The following TEK variants were observed in gnomAD, a reference collection of about 807,000 sequenced individuals.
The protein encoded by TEK is TEK receptor tyrosine kinase, also known as angiopoietin-1 receptor.
In TEK, 43 loss-of-function variants were observed where a neutral mutation model predicts 131.8. The ratio of observed to expected loss-of-function variants is 0.33; its 90% CI spans 0.26 to 0.42. The LOEUF (loss-of-function observed/expected upper bound fraction) is 0.42. TEK is among the 10% of genes least tolerant of loss of function. The pLI is 1.00. For missense variants in TEK, 1,162 were observed against 1,384.4 expected (o/e 0.84, Z 2.55); for synonymous variants, 580 against 491.6 (o/e 1.18, Z -2.38).
chr9:27,225,140 C>T (rs543929885), intron 21 of TEK, among the ~76,000 whole-genome samples: 42 of 152,328 alleles, frequency 2.8e-4, no homozygotes, highest in Admixed American at 2.5e-3. Flanking sequence ...ATTCCATGCT[C>T]ATGGACAGGA....
At chr9:27,111,170 C>T (rs1368153068) in intron 1 of TEK, among the ~76,000 whole-genome samples, 2 of 152,134 alleles carry the variant, frequency 1.3e-5, no homozygotes, top group African/African-American at 4.8e-5. Context: ...ATACTTGTTC[C>T]ATGTCTAGAC....
rs1825686862 is a variant in TEK, at chr9:27,212,874, A to G, written c.2854A>G (p.Met952Val). 1 of 1,613,984 alleles carries G rather than the reference A, an allele frequency of 6.2e-7. No homozygotes were observed. The highest frequency in any genetic ancestry group is 8.5e-7 in the Non-Finnish European group (1 of 1,179,952). The change falls in exon 17 of 23, where the codon ATG (methionine) becomes GTG (valine). Residue 952 changes from methionine to valine, a missense_variant. Around this residue, in one of 6 missense-constraint regions of TEK, gnomAD observed 107 missense variants for 173.9 expected, o/e 0.62. Transcript: ENST00000380036. ...CTTCGCTGCCGACGTGGCCCGGGGC[A>G]TGGACTACTTGAGCCAAAAACAGGT... ...LHFAADVARG[M>V]DYLSQKQFIH...
intron 1 of TEK, among the ~76,000 whole-genome samples, chr9:27,153,636 A>C (rs1216915520): frequency 5.9e-5 from 9 of 152,206 alleles, no homozygotes; most frequent in Admixed American, 5.9e-4. Flanking sequence ...TGATGAAACA[A>C]CTCACTATCC....
Position 27,172,821 on chromosome 9 carries a change from C to G in TEK, c.760+74C>G, listed in dbSNP as rs41314580. The G allele has an allele frequency of 9.6e-3, 15,257 of 1,583,860 alleles. 103 individuals are homozygous for G. The highest frequency in any genetic ancestry group is 0.026 in the African/African-American group (1,899 of 74,368). On this transcript the variant is annotated intron_variant, in intron 5 of 22. Coordinates refer to ENST00000380036, the MANE Select transcript of TEK (RefSeq NM_000459.5). ...TTGCTGGATCTAGAATTTTAGATCT[C>G]GACACAGATGGGAATGGACGCTAAA...
intron 16 of TEK, among the ~76,000 whole-genome samples, chr9:27,212,272 C>A (rs1035138018): frequency 6.6e-6 from 1 of 152,112 alleles, no homozygotes; most frequent in African/African-American, 2.4e-5. Flanking sequence ...TAATAACAAC[C>A]TCAGGAATAG....
chr9:27,215,375 G>A (rs1825783558), intron 18 of TEK, among the ~76,000 whole-genome samples: 1 of 152,228 alleles, frequency 6.6e-6, no homozygotes, highest in South Asian at 2.1e-4. Flanking sequence ...CAAGAAAGGT[G>A]CAGTGTGGCA....
chr9:27,146,954 C>G (rs1822946605), intron 1 of TEK, among the ~76,000 whole-genome samples: 1 of 152,138 alleles, frequency 6.6e-6, no homozygotes, highest in African/African-American at 2.4e-5. Context: ...TGGTCTTGAT[C>G]TCCTGACCTT....
chr9:27,181,581 C>G (rs938129158), intron 7 of TEK, among the ~76,000 whole-genome samples: 1 of 152,078 alleles, frequency 6.6e-6, no homozygotes, highest in Non-Finnish European at 1.5e-5. Flanking sequence ...GTACTTCATT[C>G]CTTTTTTATT....
chr9:27,188,028 G>A (rs75901865), intron 9 of TEK, among the ~76,000 whole-genome samples: 11,117 of 152,214 alleles, frequency 0.073, 493 homozygotes, highest in African/African-American at 0.13. Flanking sequence ...GCAGAGGAAT[G>A]TTAAACAGTA....
chr9:27,216,807 T>C (rs1825835170), intron 18 of TEK, among the ~76,000 whole-genome samples: 1 of 152,130 alleles, frequency 6.6e-6, no homozygotes, highest in South Asian at 2.1e-4. Context: ...CAAGTGCTCC[T>C]GGTTTTGTTC....
chr9:27,133,398 C>T (rs748942981), intron 1 of TEK, among the ~76,000 whole-genome samples: 4 of 152,154 alleles, frequency 2.6e-5, no homozygotes, highest in Non-Finnish European at 5.9e-5. Context: ...CTTCACTTTA[C>T]CATTTTCCTT....
chr9:27,218,933 G>T, intron 20 of TEK, 116 bp downstream of exon 20: 1 of 1,042,860 alleles, frequency 9.6e-7, no homozygotes, highest in East Asian at 2.4e-5. Context: ...TCTACCAGAT[G>T]TGACTTGGAA....
intron 1 of TEK, among the ~76,000 whole-genome samples, chr9:27,149,529 A>G (rs532990246): frequency 1.5e-3 from 224 of 152,312 alleles, no homozygotes; most frequent in Non-Finnish European, 2.8e-3. Flanking sequence ...TTCTTTTGTC[A>G]ATCTCCTCTT....
intron 1 of TEK, among the ~76,000 whole-genome samples, chr9:27,126,017 T>C (rs1401510834): frequency 6.6e-6 from 1 of 152,206 alleles, no homozygotes; most frequent in African/African-American, 2.4e-5. Flanking sequence ...CAGCTAGACA[T>C]GCAGTAGATT....
At chr9:27,204,713 T>C (rs1825341985) in intron 13 of TEK, among the ~76,000 whole-genome samples, 198 bp from the exon 14 acceptor site, 1 of 151,920 alleles carries the variant, frequency 6.6e-6, no homozygotes, top group Non-Finnish European at 1.5e-5. Context: ...TTTTTAATCT[T>C]ATTACAACCC....
chr9:27,118,076 G>T (rs1174140888), intron 1 of TEK, among the ~76,000 whole-genome samples: 3 of 152,124 alleles, frequency 2.0e-5, no homozygotes, highest in Non-Finnish European at 2.9e-5. Context: ...AGCCAAAGGG[G>T]ACTCCACCCT....
chr9:27,139,430 C>T (rs945732286), intron 1 of TEK, among the ~76,000 whole-genome samples: 2 of 142,242 alleles, frequency 1.4e-5, no homozygotes, highest in Non-Finnish European at 3.0e-5. Context: ...TGGGTTCAAG[C>T]GATCCTGCCT....
intron 21 of TEK, 96 bp downstream of exon 21, chr9:27,220,241 A>G (rs1826008783): frequency 1.9e-6 from 2 of 1,074,836 alleles, no homozygotes; most frequent in African/African-American, 1.6e-5. Flanking sequence ...GGTATACACT[A>G]TACACAAACA....
chr9:27,217,895 T>A (rs1825876569), intron 19 of TEK, 137 bp downstream of exon 19: 1 of 812,834 alleles, frequency 1.2e-6, no homozygotes, highest in African/African-American at 1.7e-5. Flanking sequence ...GGAAATAAAT[T>A]AGCAGAATAA....
Sources: gnomAD v4.1 joint callset for allele counts (sites outside exome capture counted in the v4.1 genomes callset) on GRCh38, gnomAD v4.1.1 for gene constraint, gnomAD v4.1.1 regional missense constraint, MANE v1.5 for transcripts, NCBI Gene and HGNC (gene_info 2026-07-23, HGNC 2026-07-21) for gene names.